CEP128: variants seen among roughly 807,000 people sequenced by gnomAD.
CEP128 encodes the protein centrosomal protein 128.
CEP128 carries 132 observed loss-of-function variants against 156.7 expected under a neutral mutation model. That is an observed-to-expected ratio of 0.84 (90% CI 0.73 to 0.97). The LOEUF is 0.97. CEP128 is among the 50% of genes least tolerant of loss of function. The pLI, the probability that CEP128 is intolerant of heterozygous loss-of-function variation, is 0.00. For synonymous variants in CEP128, 469 were observed against 448.9 expected (o/e 1.04, Z -0.57); for missense variants, 1,252 against 1,281.9 (o/e 0.98, Z 0.36).
At chr14:80,639,765 C>G (rs1021649711) in intron 19 of CEP128, among the ~76,000 whole-genome samples, 8 of 152,056 alleles carry the variant, frequency 5.3e-5, no homozygotes, top group Non-Finnish European at 8.8e-5. Flanking sequence ...TCAAACTTCC[C>G]CACTCCTTTG....
chr14:80,800,176 T>C (rs1408652545), intron 13 of CEP128, among the ~76,000 whole-genome samples: 1 of 152,190 alleles, frequency 6.6e-6, no homozygotes. Flanking sequence ...CCTCTCTTTG[T>C]ACTCTTTATT....
At chr14:80,540,245 T>G (rs180934914) in intron 21 of CEP128, among the ~76,000 whole-genome samples, 221 of 143,540 alleles carry the variant, frequency 1.5e-3, no homozygotes, top group African/African-American at 5.2e-3. Flanking sequence ...GGTCTGAGAC[T>G]CAGGGAGCAT....
downstream of CEP128, among the ~76,000 whole-genome samples, chr14:80,492,238 A>C (rs1298438553): frequency 6.6e-6 from 1 of 152,264 alleles, no homozygotes; most frequent in Non-Finnish European, 1.5e-5. Context: ...TATGAAGTAC[A>C]TATAAATACT....
intron 19 of CEP128, among the ~76,000 whole-genome samples, chr14:80,712,433 C>G (rs1409490596): frequency 2.6e-5 from 4 of 152,154 alleles, no homozygotes; most frequent in African/African-American, 9.7e-5. Context: ...CTATTACTCC[C>G]TCAGAAAACT....
At chr14:80,934,423 G>T (rs1288031210) in intron 2 of CEP128, among the ~76,000 whole-genome samples, 1 of 152,160 alleles carries the variant, frequency 6.6e-6, no homozygotes, top group Non-Finnish European at 1.5e-5. Context: ...CACATAGCTG[G>T]AAATCAGAAC....
intron 19 of CEP128, among the ~76,000 whole-genome samples, chr14:80,734,020 G>A (rs935281017): frequency 3.9e-5 from 6 of 152,052 alleles, no homozygotes; most frequent in South Asian, 2.1e-4. Flanking sequence ...CCACTTCAAC[G>A]CTTCATAAAT....
Position 80,559,320 on chromosome 14 carries a change from T to C in CEP128, c.2857-18A>G. On this transcript the variant is annotated intron_variant, in intron 20 of 24. Transcript: ENST00000555265. ...ACACGGTCCTGCAAAGAAAGCATAATATATAATTATAAAACGAAGGCTGTT... is the reference window on the plus strand; with the variant it reads ...ACACGGTCCTGCAAAGAAAGCATAACATATAATTATAAAACGAAGGCTGTT... 1.9e-6 allele frequency: 3 copies of C among 1,582,426 alleles called. No individual in the cohort carries two copies. In the East Asian group the frequency reaches 6.9e-5, roughly 36 times the overall value.
intron 20 of CEP128, among the ~76,000 whole-genome samples, chr14:80,575,575 C>G (rs1309241589): frequency 6.6e-6 from 1 of 152,120 alleles, no homozygotes; most frequent in Non-Finnish European, 1.5e-5. Flanking sequence ...CCGATGGGGG[C>G]AGAGACCTCT....
rs551949548 is a variant in CEP128 at position 80,688,338 on chromosome 14, C to T, written c.2806+54737G>A. On this transcript the variant is annotated intron_variant, in intron 19 of 24. Transcript: ENST00000555265. ...GGTCCAGAATCCATACCAACCTTAA[C>T]GCTCTGCTCCCTGCTGCATTGTCTT... Among the ~76,000 whole-genome samples, 40 of 152,250 alleles carry T rather than the reference C, an allele frequency of 2.6e-4. No homozygotes were observed. In the East Asian group the frequency reaches 6.0e-3, roughly 23 times the overall value.
intron 19 of CEP128, among the ~76,000 whole-genome samples, chr14:80,698,772 A>G (rs1896972022): frequency 6.6e-6 from 1 of 152,180 alleles, no homozygotes; most frequent in Admixed American, 6.5e-5. Flanking sequence ...CCCAAACCCC[A>G]TTCTTAAAAA....
chr14:80,563,455 A>G lies in CEP128; in HGVS notation c.2857-4153T>C, dbSNP rs76056313. Among the ~76,000 whole-genome samples, 1,347 of 151,334 alleles carry G rather than the reference A, an allele frequency of 8.9e-3. 14 individuals carry two copies. Among genetic ancestry groups the G allele is most frequent in the Non-Finnish European group, 0.013 (860 of 67,880 alleles). On this transcript the variant is annotated intron_variant, in intron 20 of 24. Transcript: ENST00000555265. ...AAAATGTACATTATATGCAACACAC[A>G]TATGTAATTTTATATATACTTTTTG... is the stretch of plus-strand genomic sequence containing the variant.
chr14:80,784,466 C>A (rs966159370), intron 15 of CEP128, among the ~76,000 whole-genome samples: 1 of 152,148 alleles, frequency 6.6e-6, no homozygotes, highest in Non-Finnish European at 1.5e-5. Flanking sequence ...AGGAGTAAAT[C>A]TCGAAAGCCT....
At chr14:80,495,876 T>C (rs1340990689), downstream of CEP128, among the ~76,000 whole-genome samples, 1 of 152,220 alleles carries the variant, frequency 6.6e-6, no homozygotes, top group Non-Finnish European at 1.5e-5. Context: ...AATACTTTGA[T>C]GTTGGTCAAA....
intron 21 of CEP128, among the ~76,000 whole-genome samples, chr14:80,539,445 A>G (rs181546154): frequency 1.1e-4 from 17 of 152,306 alleles, no homozygotes; most frequent in African/African-American, 4.1e-4. Flanking sequence ...GATTTCAAGG[A>G]CATTTATCAG....
chr14:80,571,638 T>C (rs1309402823), intron 20 of CEP128, among the ~76,000 whole-genome samples: 1 of 152,238 alleles, frequency 6.6e-6, no homozygotes, highest in African/African-American at 2.4e-5. Context: ...ATTTTAGTTT[T>C]GTCACTTTTT....
intron 19 of CEP128, 127 bp from the exon 20 acceptor site, chr14:80,580,550 G>T (rs1441611246): frequency 3.3e-6 from 2 of 603,590 alleles, no homozygotes; most frequent in Non-Finnish European, 5.9e-6. Flanking sequence ...ATGTTTAAGT[G>T]TGAGAAGCCA....
chr14:80,560,079 C>T (rs1371387326), intron 20 of CEP128, among the ~76,000 whole-genome samples: 1 of 152,164 alleles, frequency 6.6e-6, no homozygotes, highest in Admixed American at 6.5e-5. Flanking sequence ...AAATGAAAAA[C>T]CATCCTTTTT....
At chr14:80,900,296 T>C (rs750945600) in intron 6 of CEP128, among the ~76,000 whole-genome samples, 6 of 152,142 alleles carry the variant, frequency 3.9e-5, no homozygotes, top group Non-Finnish European at 8.8e-5. Flanking sequence ...GTCTGCTTCT[T>C]CCTTAATCAG....
intron 21 of CEP128, 179 bp from the exon 22 acceptor site, chr14:80,531,065 A>C (rs1301199935): frequency 2.9e-6 from 1 of 345,170 alleles, no homozygotes; most frequent in Non-Finnish European, 5.3e-6. Context: ...TGAAAATAGA[A>C]GAATTATTTC....
Sources: allele counts gnomAD v4.1 joint callset (sites outside exome capture counted in the v4.1 genomes callset), GRCh38; gene constraint gnomAD v4.1.1; transcripts MANE v1.5; gene names NCBI Gene and HGNC (gene_info 2026-07-23, HGNC 2026-07-21).